NCAM1: variants seen among roughly 807,000 people sequenced by gnomAD.
NCAM1 encodes the protein neural cell adhesion molecule 1, also known as antigen recognized by monoclonal antibody 5.1H11.
NCAM1 carries 14 observed loss-of-function variants against 109.8 expected under a neutral mutation model. That is an observed-to-expected ratio of 0.13 (90% CI 0.08 to 0.20). NCAM1 has a LOEUF of 0.20. NCAM1 is among the 10% of genes least tolerant of loss of function. The pLI is 1.00. For synonymous variants in NCAM1, 418 were observed against 442.9 expected (o/e 0.94, Z 0.70); for missense variants, 774 against 1,109.9 (o/e 0.70, Z 4.30).
chr11:113,022,030 C>G, intron 1 of NCAM1, among the ~76,000 whole-genome samples: 1 of 152,120 alleles, frequency 6.6e-6, no homozygotes, highest in East Asian at 1.9e-4. Context: ...ATAGTCAAAG[C>G]CAATGAAACT....
At chr11:113,148,364 T>TC (rs1942097047) in intron 1 of NCAM1, among the ~76,000 whole-genome samples, 1 of 151,204 alleles carries the variant, frequency 6.6e-6, no homozygotes, top group Non-Finnish European at 1.5e-5. Context: ...GCGGAGCTTT[T>TC]TTTTTTTTTC....
intron 1 of NCAM1, among the ~76,000 whole-genome samples, chr11:112,964,302 T>G (rs7937151): frequency 0.49 from 73,850 of 151,746 alleles, 18,811 homozygotes; most frequent in East Asian, 0.79. Flanking sequence ...CTCCTCTTTC[T>G]GTGTCCTCTG....
chr11:113,254,515 T>C (rs181878786), intron 15 of NCAM1, among the ~76,000 whole-genome samples: 19 of 152,310 alleles, frequency 1.2e-4, no homozygotes, highest in Non-Finnish European at 2.2e-4. Context: ...GGCCCTATGA[T>C]GATAAGTAGT....
At chr11:113,026,944 C>A (rs1447878775) in intron 1 of NCAM1, among the ~76,000 whole-genome samples, 2 of 152,184 alleles carry the variant, frequency 1.3e-5, no homozygotes, top group Admixed American at 1.3e-4. Flanking sequence ...GGTCTTCCCA[C>A]CCACACTGCA....
intron 1 of NCAM1, among the ~76,000 whole-genome samples, chr11:113,127,032 A>G (rs1416415566): frequency 6.6e-6 from 1 of 152,202 alleles, no homozygotes; most frequent in African/African-American, 2.4e-5. Flanking sequence ...GTGGCAGCCT[A>G]TATTCCAACA....
chr11:113,196,690 A>C (rs782190028), intron 1 of NCAM1, among the ~76,000 whole-genome samples: 4 of 152,244 alleles, frequency 2.6e-5, no homozygotes, highest in Admixed American at 1.3e-4. Context: ...CAAAGCTAAT[A>C]GGTGGCAGAG....
At chr11:113,051,860 T>TA (rs1565406498) in intron 1 of NCAM1, among the ~76,000 whole-genome samples, 1 of 152,356 alleles carries the variant, frequency 6.6e-6, no homozygotes, top group East Asian at 1.9e-4. Flanking sequence ...TAGTCTAAAT[T>TA]AATTCATATA....
intron 1 of NCAM1, among the ~76,000 whole-genome samples, chr11:112,969,472 A>G (rs1476820610): frequency 2.6e-5 from 4 of 152,094 alleles, no homozygotes; most frequent in Admixed American, 6.5e-5. Context: ...GAGTCTGACC[A>G]AAGTGTGGGA....
intron 1 of NCAM1, among the ~76,000 whole-genome samples, chr11:113,123,189 A>G (rs1941038186): frequency 6.6e-6 from 1 of 152,134 alleles, no homozygotes; most frequent in African/African-American, 2.4e-5. Flanking sequence ...AACAATATAT[A>G]TTTCAAAATA....
At chr11:113,095,949 A>G (rs1939577949) in intron 1 of NCAM1, among the ~76,000 whole-genome samples, 1 of 152,202 alleles carries the variant, frequency 6.6e-6, no homozygotes, top group African/African-American at 2.4e-5. Context: ...AATGACGTAA[A>G]TGGAATATCT....
intron 1 of NCAM1, among the ~76,000 whole-genome samples, chr11:113,191,550 C>T (rs56659711): frequency 0.011 from 1,654 of 152,288 alleles, 23 homozygotes; most frequent in African/African-American, 0.037. Context: ...GGCTTTACTG[C>T]TTACCAGCCT....
intron 1 of NCAM1, among the ~76,000 whole-genome samples, chr11:113,070,127 G>A (rs1267124415): frequency 6.6e-6 from 1 of 152,106 alleles, no homozygotes; most frequent in Admixed American, 6.5e-5. Flanking sequence ...GTCATAGCTA[G>A]GATAAGCCTA....
intron 7 of NCAM1, among the ~76,000 whole-genome samples, chr11:113,210,081 C>A (rs1944344153): frequency 6.6e-6 from 1 of 152,138 alleles, no homozygotes; most frequent in African/African-American, 2.4e-5. Flanking sequence ...AATGAAGGAA[C>A]TGTCATTAGT....
intron 1 of NCAM1, among the ~76,000 whole-genome samples, chr11:113,032,858 G>A (rs1275367117): frequency 6.6e-6 from 1 of 152,186 alleles, no homozygotes; most frequent in Non-Finnish European, 1.5e-5. Flanking sequence ...TTTCAACAGA[G>A]TCTTTTCCAA....
At chr11:113,151,817 T>A (rs1942233072) in intron 1 of NCAM1, among the ~76,000 whole-genome samples, 1 of 152,224 alleles carries the variant, frequency 6.6e-6, no homozygotes, top group Non-Finnish European at 1.5e-5. Flanking sequence ...TTATCCCCAG[T>A]GTAGCAAGTT....
chr11:113,102,845 T>G (rs1424850966), intron 1 of NCAM1, among the ~76,000 whole-genome samples: 1 of 152,230 alleles, frequency 6.6e-6, no homozygotes, highest in Non-Finnish European at 1.5e-5. Flanking sequence ...CTTGTAAATC[T>G]TTTAATTCTC....
intron 1 of NCAM1, among the ~76,000 whole-genome samples, chr11:113,022,062 G>T (rs1367979753): frequency 6.6e-6 from 1 of 152,162 alleles, no homozygotes; most frequent in Non-Finnish European, 1.5e-5. Context: ...CTAACAGTTG[G>T]TCTGGTGTTA....
intron 1 of NCAM1, among the ~76,000 whole-genome samples, chr11:113,016,749 A>C (rs1555075318): frequency 6.6e-6 from 1 of 152,120 alleles, no homozygotes; most frequent in African/African-American, 2.4e-5. Context: ...TCCTTTTAAC[A>C]CTTCTGGAGG....
intron 1 of NCAM1, among the ~76,000 whole-genome samples, chr11:113,026,351 C>T (rs11214468): frequency 0.26 from 39,905 of 151,968 alleles, 5,733 homozygotes; most frequent in East Asian, 0.53. Flanking sequence ...AGATTTTCAC[C>T]GGCTACTTTG....
Sources: allele counts gnomAD v4.1 joint callset (sites outside exome capture counted in the v4.1 genomes callset), GRCh38; gene constraint gnomAD v4.1.1; transcripts MANE v1.5; gene names NCBI Gene and HGNC (gene_info 2026-07-23, HGNC 2026-07-21).